AKT3: variants seen among roughly 807,000 people sequenced by gnomAD.
The protein encoded by AKT3 is AKT serine/threonine kinase 3, also known as RAC-gamma serine/threonine-protein kinase.
Under a neutral mutation model 65.3 loss-of-function variants are expected in AKT3, and 15 were observed. That is an observed-to-expected ratio of 0.23 (90% CI 0.15 to 0.35). AKT3 has a LOEUF of 0.35. AKT3 is among the 10% of genes least tolerant of loss of function. The probability of loss-of-function intolerance (pLI) is 1.00; values close to 1 mark genes in which losing one functional copy is unlikely to be tolerated. For synonymous variants in AKT3, 206 were observed against 183.8 expected (o/e 1.12, Z -0.98); for missense variants, 243 against 576.5 (o/e 0.42, Z 5.92).
At chr1:243,641,278 A>ACACACACACACG (rs1265087564) in intron 5 of AKT3, among the ~76,000 whole-genome samples, 1 of 150,194 alleles carries the variant, frequency 6.7e-6, no homozygotes, top group South Asian at 2.1e-4. Flanking sequence ...ATATATACAC[A>ACACACACACACG]CACACACACA....
chr1:243,807,924 G>A (rs559544457), intron 2 of AKT3, among the ~76,000 whole-genome samples: 1 of 152,304 alleles, frequency 6.6e-6, no homozygotes, highest in Non-Finnish European at 1.5e-5. Context: ...GGCAAACAGT[G>A]TCTGAAGTGG....
At chr1:243,652,266 T>A (rs1278462627) in intron 4 of AKT3, among the ~76,000 whole-genome samples, 1 of 152,038 alleles carries the variant, frequency 6.6e-6, no homozygotes, top group African/African-American at 2.4e-5. Context: ...GCCAGGCTGA[T>A]CTCGAACTCC....
downstream of AKT3, among the ~76,000 whole-genome samples, chr1:243,498,099 C>T (rs1344978741): frequency 6.6e-6 from 1 of 152,210 alleles, no homozygotes; most frequent in Non-Finnish European, 1.5e-5. Context: ...AGGCCACCTG[C>T]CTTATGTGGC....
intron 2 of AKT3, among the ~76,000 whole-genome samples, chr1:243,744,730 C>T (rs1688374391): frequency 7.1e-6 from 1 of 139,916 alleles, no homozygotes; most frequent in Admixed American, 7.2e-5. Context: ...CAGAGCGAGA[C>T]TCCGTCTCAA....
At chr1:243,755,627 C>T (rs939111413) in intron 2 of AKT3, among the ~76,000 whole-genome samples, 3 of 152,242 alleles carry the variant, frequency 2.0e-5, no homozygotes, top group Non-Finnish European at 4.4e-5. Context: ...TCTCAAGATT[C>T]CCCAAAGTGT....
intron 3 of AKT3, among the ~76,000 whole-genome samples, chr1:243,682,082 T>C (rs1683965773): frequency 1.3e-5 from 2 of 151,996 alleles, no homozygotes; most frequent in East Asian, 3.9e-4. Flanking sequence ...AAACTATAAA[T>C]TTAAGTTTAA....
intron 3 of AKT3, among the ~76,000 whole-genome samples, chr1:243,675,040 A>G (rs1372276266): frequency 6.6e-6 from 1 of 152,174 alleles, no homozygotes; most frequent in Non-Finnish European, 1.5e-5. Context: ...TACCAATTGC[A>G]TAGGTCCCAC....
chr1:243,807,675 G>A (rs924387101), intron 2 of AKT3, among the ~76,000 whole-genome samples: 1 of 152,212 alleles, frequency 6.6e-6, no homozygotes, highest in East Asian at 1.9e-4. Context: ...TGACAGCTTG[G>A]AAGACAGTAG....
At chr1:243,489,242 G>T in intron 13 of AKT3, 1 of 1,459,568 alleles carries the variant, frequency 6.9e-7, no homozygotes, top group South Asian at 1.3e-5. Context: ...GATCACATCG[G>T]TTAGCAGTAA....
intron 12 of AKT3, among the ~76,000 whole-genome samples, chr1:243,522,369 T>C (rs1313053146): frequency 6.6e-6 from 1 of 152,188 alleles, no homozygotes; most frequent in East Asian, 1.9e-4. Context: ...AAAGCCTATA[T>C]ATGTAAGGCT....
intron 2 of AKT3, among the ~76,000 whole-genome samples, chr1:243,757,829 C>T (rs1314396826): frequency 1.3e-5 from 2 of 151,048 alleles, no homozygotes; most frequent in African/African-American, 4.9e-5. Flanking sequence ...GGCGCAATCT[C>T]GGCTCACTGC....
intron 8 of AKT3, among the ~76,000 whole-genome samples, chr1:243,580,745 A>T (rs932282428): frequency 6.6e-5 from 10 of 151,972 alleles, no homozygotes; most frequent in Non-Finnish European, 1.2e-4. Context: ...CGGGTAACCC[A>T]CTCTGTTCTC....
chr1:243,719,460 C>T (rs1316320585), intron 2 of AKT3, among the ~76,000 whole-genome samples: 2 of 152,198 alleles, frequency 1.3e-5, no homozygotes, highest in Non-Finnish European at 2.9e-5. Flanking sequence ...GTTTTCCTGA[C>T]TACCAATTCC....
At chr1:243,754,117 G>A (rs1688979015) in intron 2 of AKT3, among the ~76,000 whole-genome samples, 1 of 152,160 alleles carries the variant, frequency 6.6e-6, no homozygotes, top group Non-Finnish European at 1.5e-5. Context: ...TGGTTTGGAA[G>A]ATACACAGCC....
At chr1:243,586,929 A>T (rs1675854139) in intron 8 of AKT3, among the ~76,000 whole-genome samples, 1 of 152,206 alleles carries the variant, frequency 6.6e-6, no homozygotes, top group Non-Finnish European at 1.5e-5. Context: ...AATCCAGTAG[A>T]TTTAGCCATA....
chr1:243,549,383 C>T (rs1214801683), intron 11 of AKT3, among the ~76,000 whole-genome samples: 1 of 152,104 alleles, frequency 6.6e-6, no homozygotes, highest in Non-Finnish European at 1.5e-5. Flanking sequence ...CACTTGTGTA[C>T]TACTGCTTCA....
chr1:243,652,586 A>G (rs1367811571), intron 4 of AKT3, among the ~76,000 whole-genome samples: 1 of 151,962 alleles, frequency 6.6e-6, no homozygotes, highest in Non-Finnish European at 1.5e-5. Flanking sequence ...TCAAATTCAC[A>G]TGTGACAATA....
chr1:243,652,209 G>A (rs1681399681), intron 4 of AKT3, among the ~76,000 whole-genome samples: 1 of 151,920 alleles, frequency 6.6e-6, no homozygotes, highest in Non-Finnish European at 1.5e-5. Flanking sequence ...CCCCATGCTT[G>A]GCTAATTTTT....
At chr1:243,752,917 C>T (rs1002140498) in intron 2 of AKT3, among the ~76,000 whole-genome samples, 3 of 152,166 alleles carry the variant, frequency 2.0e-5, no homozygotes, top group African/African-American at 7.2e-5. Context: ...GCACAGACTT[C>T]GTCCCAAGCA....
Sources: gnomAD v4.1 joint callset for allele counts (sites outside exome capture counted in the v4.1 genomes callset) on GRCh38, gnomAD v4.1.1 for gene constraint, MANE v1.5 for transcripts, NCBI Gene and HGNC (gene_info 2026-07-23, HGNC 2026-07-21) for gene names.